The following SCD5 variants were observed in gnomAD, a reference collection of about 807,000 sequenced individuals.
The protein encoded by SCD5 is acyl-CoA-desaturase 4.
A neutral mutation model predicts 30.4 loss-of-function variants in SCD5; 20 were observed. That is an observed-to-expected ratio of 0.66 (90% confidence interval 0.46 to 0.96). The LOEUF (loss-of-function observed/expected upper bound fraction) is 0.96. SCD5 is among the 40% of genes least tolerant of loss of function. The probability of loss-of-function intolerance (pLI) is 0.00; values close to 1 mark genes in which losing one functional copy is unlikely to be tolerated. For synonymous variants in SCD5, 173 were observed against 176.4 expected (o/e 0.98, Z 0.16); for missense variants, 381 against 443.3 (o/e 0.86, Z 1.26).
intron 4 of SCD5, among the ~76,000 whole-genome samples, chr4:82,634,401 T>C (rs1387804956): frequency 6.6e-6 from 1 of 152,192 alleles, no homozygotes; most frequent in Non-Finnish European, 1.5e-5. Flanking sequence ...AGGATTTCGC[T>C]CTATAACGAG....
At chr4:82,766,885 C>A (rs1721499317) in intron 1 of SCD5, among the ~76,000 whole-genome samples, 4 of 152,126 alleles carry the variant, frequency 2.6e-5, no homozygotes, top group African/African-American at 9.7e-5. Flanking sequence ...ACCATGCTGG[C>A]CAGGCTGGTC....
chr4:82,654,106 G>T (rs1266855333), intron 3 of SCD5, among the ~76,000 whole-genome samples: 1 of 152,024 alleles, frequency 6.6e-6, no homozygotes, highest in East Asian at 1.9e-4. Context: ...TTGTAGAGAC[G>T]GGGTTTCACC....
At chr4:82,716,984 G>C (rs577329324) in intron 1 of SCD5, among the ~76,000 whole-genome samples, 49 of 151,612 alleles carry the variant, frequency 3.2e-4, no homozygotes, top group Non-Finnish European at 5.4e-4. Flanking sequence ...GTAATCTAGA[G>C]ATGATTTAAA....
At chr4:82,661,132 G>T (rs1390862335) in intron 3 of SCD5, 1 of 1,508,054 alleles carries the variant, frequency 6.6e-7, no homozygotes, top group Non-Finnish European at 9.2e-7. Flanking sequence ...GTTCAGCAAG[G>T]GTTTAATTTC....
chr4:82,771,791 TA>T (rs1489516483), intron 1 of SCD5, among the ~76,000 whole-genome samples: 1 of 152,046 alleles, frequency 6.6e-6, no homozygotes, highest in Admixed American at 6.6e-5. Context: ...TCTAAGTTAA[TA>T]AAAAAAGGTG....
At chr4:82,651,874 T>C (rs1242330783) in intron 3 of SCD5, among the ~76,000 whole-genome samples, 1 of 152,280 alleles carries the variant, frequency 6.6e-6, no homozygotes, top group South Asian at 2.1e-4. Flanking sequence ...GATTGTGCCA[T>C]TGCACTTCAG....
chr4:82,719,462 C>T (rs6535388), intron 1 of SCD5, among the ~76,000 whole-genome samples: 2 of 151,040 alleles, frequency 1.3e-5, no homozygotes, highest in East Asian at 1.9e-4. Context: ...AGTCTAGCCT[C>T]GATTATAGTT....
At chr4:82,688,341 T>A (rs556114498) in intron 2 of SCD5, among the ~76,000 whole-genome samples, 2 of 152,206 alleles carry the variant, frequency 1.3e-5, no homozygotes, top group Admixed American at 6.5e-5. Context: ...CTGAATGGCA[T>A]CCTTTCTGGG....
At chr4:82,667,404 T>C (rs1578013015) in intron 3 of SCD5, among the ~76,000 whole-genome samples, 1 of 152,154 alleles carries the variant, frequency 6.6e-6, no homozygotes, top group Non-Finnish European at 1.5e-5. Flanking sequence ...TAAAAAGCTA[T>C]TGAATTATGT....
chr4:82,679,778 C>A (rs1228877842), intron 3 of SCD5, among the ~76,000 whole-genome samples: 3 of 152,152 alleles, frequency 2.0e-5, no homozygotes, highest in Admixed American at 1.3e-4. Context: ...CCTAAGCCAT[C>A]CTTCCTTTCA....
chr4:82,728,533 G>A (rs1304062171), intron 1 of SCD5, among the ~76,000 whole-genome samples: 3 of 152,070 alleles, frequency 2.0e-5, no homozygotes, highest in African/African-American at 7.2e-5. Flanking sequence ...CACTATTGTA[G>A]AACCTAAGAT....
intron 1 of SCD5, among the ~76,000 whole-genome samples, chr4:82,755,674 T>C (rs180701454): frequency 1.3e-5 from 2 of 152,312 alleles, no homozygotes; most frequent in Admixed American, 1.3e-4. Context: ...CACCATCAGA[T>C]AATGTTTTTC....
chr4:82,724,453 A>G (rs7682394), intron 1 of SCD5, among the ~76,000 whole-genome samples: 1 of 151,750 alleles, frequency 6.6e-6, no homozygotes, highest in African/African-American at 2.4e-5. Flanking sequence ...CCCCATCTTT[A>G]GAAAAAATAA....
At chr4:82,754,761 A>G (rs1232609683) in intron 1 of SCD5, among the ~76,000 whole-genome samples, 1 of 152,342 alleles carries the variant, frequency 6.6e-6, no homozygotes, top group African/African-American at 2.4e-5. Flanking sequence ...ACCCATGCCA[A>G]TCTACAGACC....
At position 82,630,170 on chromosome 4, in the gene SCD5, C is replaced by G. The variant is rs191818672; in HGVS notation, c.*1157G>C. ...GAACAAAATCAAACATCTAAACAGG[C>G]ATGATTTATAAGGTGGGCTGGCCAT... On this transcript the variant is annotated 3_prime_UTR_variant, in exon 5 of 5. Transcript: ENST00000319540. The G allele has an allele frequency of 6.6e-6, 1 of 152,268 alleles. No homozygotes were observed. The highest frequency in any genetic ancestry group is 1.9e-4 in the East Asian group (1 of 5,188). The allele number at this position is 152,268 out of a possible 1,614,324, so 9.4% of individuals were successfully genotyped here.
chr4:82,662,129 T>A (rs887329934), intron 3 of SCD5, among the ~76,000 whole-genome samples: 7 of 152,166 alleles, frequency 4.6e-5, no homozygotes, highest in African/African-American at 1.4e-4. Flanking sequence ...CAATCACAGC[T>A]CACTGCAGCC....
chr4:82,693,223 C>T (rs1719604893), intron 2 of SCD5, among the ~76,000 whole-genome samples: 2 of 152,204 alleles, frequency 1.3e-5, no homozygotes, highest in Admixed American at 6.5e-5. Context: ...TCCTGATACT[C>T]AGCTCCGGTG....
intron 1 of SCD5, among the ~76,000 whole-genome samples, chr4:82,770,569 C>A (rs1018588324): frequency 1.3e-5 from 2 of 152,176 alleles, no homozygotes; most frequent in African/African-American, 4.8e-5. Flanking sequence ...TTCAAATCCT[C>A]TTTATTCAGG....
chr4:82,711,578 T>C (rs10033794), intron 1 of SCD5, among the ~76,000 whole-genome samples: 59,303 of 151,754 alleles, frequency 0.39, 12,097 homozygotes, highest in Middle Eastern at 0.51. Context: ...TGGTAGCACG[T>C]GCCTGTAGTT....
Sources: gnomAD v4.1 joint callset for allele counts (sites outside exome capture counted in the v4.1 genomes callset) on GRCh38, gnomAD v4.1.1 for gene constraint, MANE v1.5 for transcripts, NCBI Gene and HGNC (gene_info 2026-07-23, HGNC 2026-07-21) for gene names.